TMTC1: variants seen among roughly 807,000 people sequenced by gnomAD.
TMTC1 encodes protein O-mannosyl-transferase TMTC1.
Under a neutral mutation model 104.8 loss-of-function variants are expected in TMTC1, and 73 were observed. The ratio of observed to expected loss-of-function variants is 0.70; its 90% CI spans 0.58 to 0.85. TMTC1 has a LOEUF of 0.85. Ranked by LOEUF, TMTC1 falls within the 40% of genes least tolerant of loss-of-function variation. The probability of loss-of-function intolerance (pLI) is 0.00; values close to 1 mark genes in which losing one functional copy is unlikely to be tolerated. For missense variants in TMTC1, 1,035 were observed against 1,096.1 expected, an observed-to-expected ratio of 0.94 and a Z score of 0.79; for synonymous variants, 434 against 428.7, an observed-to-expected ratio of 1.01 and a Z score of -0.15.
chr12:29,634,803 A>G (rs1201919199), intron 5 of TMTC1, among the ~76,000 whole-genome samples: 6 of 152,238 alleles, frequency 3.9e-5, no homozygotes, highest in Non-Finnish European at 8.8e-5. Flanking sequence ...GGAATCTTGG[A>G]TTGGCAAAGA....
intron 5 of TMTC1, among the ~76,000 whole-genome samples, chr12:29,637,617 T>C (rs1938622987): frequency 6.6e-6 from 1 of 152,184 alleles, no homozygotes; most frequent in African/African-American, 2.4e-5. Flanking sequence ...ATTCATCAAA[T>C]GGCACCTAAC....
At chr12:29,602,944 A>G (rs1170297176) in intron 7 of TMTC1, among the ~76,000 whole-genome samples, 1 of 152,204 alleles carries the variant, frequency 6.6e-6, no homozygotes, top group Non-Finnish European at 1.5e-5. Flanking sequence ...GATATATTCA[A>G]CTGGTCTAAG....
chr12:29,641,246 G>C (rs1033428192), intron 5 of TMTC1: 2 of 152,384 alleles, frequency 1.3e-5, no homozygotes, highest in African/African-American at 4.8e-5. Flanking sequence ...CACAGATGAA[G>C]CTCTCTGGAA....
intron 5 of TMTC1, among the ~76,000 whole-genome samples, chr12:29,634,451 C>T (rs1360162275): frequency 1.3e-5 from 2 of 152,118 alleles, no homozygotes; most frequent in Non-Finnish European, 2.9e-5. Flanking sequence ...CTTCACCTCT[C>T]TGACACTACT....
intron 10 of TMTC1, among the ~76,000 whole-genome samples, chr12:29,552,167 C>A (rs552903076): frequency 7.7e-4 from 117 of 152,012 alleles, no homozygotes; most frequent in African/African-American, 2.5e-3. Flanking sequence ...CTGTGTTGTA[C>A]AATATAGTAG....
rs535776605 is a variant in TMTC1, at chr12:29,732,602, CAA to C, written c.938+19062_938+19063del. Reference sequence around the variant, plus strand: ...AAAATGTTAATAACAGCACTGATCTCAAAAGAGACTCTTTATGTATTAAACTG... The same window carrying C: ...AAAATGTTAATAACAGCACTGATCTCAAGAGACTCTTTATGTATTAAACTG... On this transcript the variant is annotated intron_variant, in intron 5 of 17. Coordinates refer to ENST00000539277, the MANE Select transcript of TMTC1 (RefSeq NM_001193451.2). 7.2e-5 allele frequency among the ~76,000 whole-genome samples: 11 copies of C among 152,282 alleles called. No homozygotes were observed. In the South Asian group the frequency reaches 2.1e-3, roughly 29 times the overall value.
At chr12:29,526,704 C>A (rs990683491) in intron 11 of TMTC1, among the ~76,000 whole-genome samples, 2 of 152,038 alleles carry the variant, frequency 1.3e-5, no homozygotes, top group African/African-American at 4.8e-5. Flanking sequence ...ACTTCTTTAT[C>A]AAGAGCTTTT....
intron 6 of TMTC1, among the ~76,000 whole-genome samples, chr12:29,628,574 T>A (rs1239004637): frequency 4.6e-5 from 7 of 152,184 alleles, no homozygotes; most frequent in Non-Finnish European, 1.0e-4. Flanking sequence ...TACAGTCTAT[T>A]CTCTCTAAAG....
intron 11 of TMTC1, 197 bp from the exon 12 acceptor site, chr12:29,520,917 T>C (rs53025): frequency 0.7 from 380,855 of 544,474 alleles, 134,451 homozygotes; most frequent in African/African-American, 0.73. Context: ...TACCCAAAAT[T>C]CATATCTGTA....
chr12:29,634,335 C>G (rs1250571858), intron 5 of TMTC1, among the ~76,000 whole-genome samples: 1 of 152,188 alleles, frequency 6.6e-6, no homozygotes, highest in East Asian at 1.9e-4. Context: ...AAGGACAGAG[C>G]CTCTGCCTCC....
At chr12:29,764,053 A>G (rs1414066277) in intron 2 of TMTC1, among the ~76,000 whole-genome samples, 2 of 152,262 alleles carry the variant, frequency 1.3e-5, no homozygotes, top group African/African-American at 4.8e-5. Flanking sequence ...AGTGAAAAAT[A>G]TATGCAAATG....
At chr12:29,644,151 A>G (rs28478768) in intron 5 of TMTC1, among the ~76,000 whole-genome samples, 7,003 of 40,820 alleles carry the variant, frequency 0.17, 707 homozygotes, top group Admixed American at 0.41. Context: ...GTGTGTGTGT[A>G]TATATATATA....
intron 10 of TMTC1, among the ~76,000 whole-genome samples, chr12:29,551,256 C>A (rs532204786): frequency 6.6e-6 from 1 of 152,124 alleles, no homozygotes; most frequent in Non-Finnish European, 1.5e-5. Context: ...TAGAGAAAAA[C>A]TACTATCTTG....
rs199928427 is a variant in TMTC1 at position 29,523,228 on chromosome 12, C to CA, written c.1786-2509dup. On this transcript the variant is annotated intron_variant, in intron 11 of 17. Transcript: ENST00000539277. Reference sequence around the variant, plus strand: ...TTAAATGTAACAAAGTTTATTTGAGCAAGAAAGAGTTCACAGATTGGGCAA... The same window carrying CA: ...TTAAATGTAACAAAGTTTATTTGAGCAAAGAAAGAGTTCACAGATTGGGCAA... Among the ~76,000 whole-genome samples, 7 of 152,234 alleles carry CA rather than the reference C, an allele frequency of 4.6e-5. No individual in the cohort carries two copies. The East Asian group carries it at 1.4e-3, about 29-fold the overall frequency.
rs142728379 is a variant in TMTC1 at position 29,612,948 on chromosome 12, G to T, written c.1129-8649C>A. On this transcript the variant is annotated intron_variant, in intron 6 of 17. Transcript: ENST00000539277. The stretch of plus-strand genomic sequence containing the variant: ...AAAGTGAAGGAGCATCCACATTCTA[G>T]TGACCACAGGGGTTCAATGAATAAA... 2.2e-3 allele frequency among the ~76,000 whole-genome samples: 333 copies of T among 152,300 alleles called. 1 individual carries two copies. The highest frequency in any genetic ancestry group is 7.3e-3 in the African/African-American group (302 of 41,552).
At chr12:29,643,760 A>AATAAATATATATAAATATAATAAAT (rs1565733908) in intron 5 of TMTC1, among the ~76,000 whole-genome samples, 1 of 21,624 alleles carries the variant, frequency 4.6e-5, no homozygotes, top group Non-Finnish European at 7.8e-5. Context: ...AAATATTTAT[A>AATAAATATATATAAATATAATAAAT]ATACACATAT....
chr12:29,732,673 A>T, intron 5 of TMTC1, among the ~76,000 whole-genome samples: 1 of 152,190 alleles, frequency 6.6e-6, no homozygotes, highest in Admixed American at 6.5e-5. Flanking sequence ...CGGGATTTAA[A>T]AAAAATTACA....
intron 2 of TMTC1, among the ~76,000 whole-genome samples, chr12:29,764,270 G>T (rs929967674): frequency 6.6e-6 from 1 of 152,166 alleles, no homozygotes; most frequent in African/African-American, 2.4e-5. Context: ...TTCAAATTAG[G>T]AGTTAATTTG....
intron 5 of TMTC1, among the ~76,000 whole-genome samples, chr12:29,707,612 CACTGAAACCTG>C (rs1405727413): frequency 6.6e-6 from 1 of 152,204 alleles, no homozygotes; most frequent in Non-Finnish European, 1.5e-5. Context: ...TGGAAGACAG[CACTGAAACCTG>C]GAGGATTTTG....
Sources: allele counts gnomAD v4.1 joint callset (sites outside exome capture counted in the v4.1 genomes callset), GRCh38; gene constraint gnomAD v4.1.1; transcripts MANE v1.5; gene names NCBI Gene and HGNC (gene_info 2026-07-23, HGNC 2026-07-21).